Variants in SKAP1 observed in about 807,000 individuals in gnomAD.
SKAP1 encodes the protein src kinase-associated phosphoprotein 1.
In SKAP1, 44 loss-of-function variants were observed where a neutral mutation model predicts 58.5. The observed-to-expected ratio is 0.75, with a 90% CI of 0.59 to 0.97. The LOEUF is 0.97. Ranked by LOEUF, SKAP1 falls within the 50% of genes least tolerant of loss-of-function variation. The pLI is 0.00. For synonymous variants in SKAP1, 127 were observed against 149.7 expected (o/e 0.85, Z 1.11); for missense variants, 390 against 435.2 (o/e 0.90, Z 0.92).
At chr17:48,221,794 G>T (rs531902960) in intron 4 of SKAP1, among the ~76,000 whole-genome samples, 2 of 152,118 alleles carry the variant, frequency 1.3e-5, no homozygotes, top group African/African-American at 2.4e-5. Context: ...ACAGTGGGAT[G>T]GTGGCGTAAT....
chr17:48,261,023 C>T (rs1302132664), intron 4 of SKAP1, among the ~76,000 whole-genome samples: 1 of 152,174 alleles, frequency 6.6e-6, no homozygotes, highest in Non-Finnish European at 1.5e-5. Flanking sequence ...ATCACTCCCT[C>T]TCCTGCAGTA....
At chr17:48,257,023 A>T (rs2065430955) in intron 4 of SKAP1, among the ~76,000 whole-genome samples, 1 of 152,112 alleles carries the variant, frequency 6.6e-6, no homozygotes, top group Non-Finnish European at 1.5e-5. Context: ...ATACTAAAGA[A>T]CTAATATGCA....
chr17:48,281,073 T>C (rs1198179676), intron 4 of SKAP1, among the ~76,000 whole-genome samples: 2 of 152,130 alleles, frequency 1.3e-5, no homozygotes, highest in African/African-American at 4.8e-5. Context: ...GTTGCCAGGC[T>C]GGAGTGCAGT....
intron 4 of SKAP1, among the ~76,000 whole-genome samples, chr17:48,312,112 T>G (rs2066231154): frequency 1.3e-5 from 2 of 152,224 alleles, no homozygotes; most frequent in South Asian, 4.1e-4. Flanking sequence ...AACATACGAT[T>G]TTAGCCATTA....
At chr17:48,178,717 C>G (rs2064325007) in intron 9 of SKAP1, among the ~76,000 whole-genome samples, 1 of 152,180 alleles carries the variant, frequency 6.6e-6, no homozygotes, top group African/African-American at 2.4e-5. Flanking sequence ...TTGGTTGTAT[C>G]TGTTTTTGTA....
chr17:48,153,911 A>G (rs968672094), intron 11 of SKAP1, among the ~76,000 whole-genome samples: 1 of 151,112 alleles, frequency 6.6e-6, no homozygotes, highest in African/African-American at 2.4e-5. Context: ...AAAAAAAAAA[A>G]GAAAAAAAAA....
At chr17:48,280,588 T>C (rs1261582999) in intron 4 of SKAP1, among the ~76,000 whole-genome samples, 2 of 152,234 alleles carry the variant, frequency 1.3e-5, no homozygotes, top group African/African-American at 2.4e-5. Context: ...CATATATATA[T>C]AGTAGTTGTA....
intron 2 of SKAP1, among the ~76,000 whole-genome samples, chr17:48,373,866 T>G (rs2067119176): frequency 6.6e-6 from 1 of 152,294 alleles, no homozygotes; most frequent in South Asian, 2.1e-4. Context: ...ATGTTATAAC[T>G]CTAGAACATC....
chr17:48,238,078 C>T, intron 4 of SKAP1, among the ~76,000 whole-genome samples: 1 of 152,068 alleles, frequency 6.6e-6, no homozygotes, highest in East Asian at 1.9e-4. Flanking sequence ...ACTGCAAGCT[C>T]CGCCTCCTGA....
At chr17:48,329,114 C>T (rs1310880392) in intron 4 of SKAP1, among the ~76,000 whole-genome samples, 1 of 152,072 alleles carries the variant, frequency 6.6e-6, no homozygotes, top group Admixed American at 6.5e-5. Flanking sequence ...TATTATAGAC[C>T]ATTTGCATCA....
chr17:48,248,455 T>C (rs533640192), intron 4 of SKAP1, among the ~76,000 whole-genome samples: 1 of 152,202 alleles, frequency 6.6e-6, no homozygotes, highest in Admixed American at 6.5e-5. Flanking sequence ...TAATCCCAGC[T>C]ACTCATGAGG....
At chr17:48,350,233 TAAC>T (rs1007455385) in intron 3 of SKAP1, among the ~76,000 whole-genome samples, 1 of 152,030 alleles carries the variant, frequency 6.6e-6, no homozygotes, top group African/African-American at 2.4e-5. Context: ...AGTGAGAAAA[TAAC>T]AAATAACAGA....
In SKAP1 at chr17:48,267,863, T is replaced by C. The variant is rs541560054; in HGVS notation, c.280+78042A>G. Among the ~76,000 whole-genome samples, 5 of 152,240 alleles carry C rather than the reference T, an allele frequency of 3.3e-5. No homozygotes were observed. In the East Asian group the frequency reaches 7.7e-4, roughly 24 times the overall value. ...CAGATAAATGGAGGGAAGGGAGAGATGGAAAGGCACACCATTTCTCATGTG... is the reference window on the plus strand; with the variant it reads ...CAGATAAATGGAGGGAAGGGAGAGACGGAAAGGCACACCATTTCTCATGTG... On this transcript the variant is annotated intron_variant, in intron 4 of 12. Coordinates refer to ENST00000336915, the MANE Select transcript of SKAP1 (RefSeq NM_003726.4).
chr17:48,434,213 G>A (rs1371343531), upstream of SKAP1, among the ~76,000 whole-genome samples: 1 of 152,156 alleles, frequency 6.6e-6, no homozygotes, highest in African/African-American at 2.4e-5. Flanking sequence ...GCCTAATGAG[G>A]CCAAGAGCTG....
intron 4 of SKAP1, among the ~76,000 whole-genome samples, chr17:48,198,952 T>C (rs966967246): frequency 2.0e-5 from 3 of 152,222 alleles, no homozygotes; most frequent in Admixed American, 6.5e-5. Context: ...GATTTTAAAA[T>C]GCCACATTGT....
At chr17:48,364,188 G>A (rs898814500) in intron 2 of SKAP1, among the ~76,000 whole-genome samples, 2 of 152,032 alleles carry the variant, frequency 1.3e-5, no homozygotes. Flanking sequence ...CTGGTCCTAG[G>A]TACCAAATAC....
chr17:48,251,729 C>T (rs117680523), intron 4 of SKAP1, among the ~76,000 whole-genome samples: 2,039 of 152,226 alleles, frequency 0.013, 20 homozygotes, highest in Non-Finnish European at 0.02. Context: ...TTCTAAAGGA[C>T]ATTAAAGATT....
chr17:48,204,961 T>TC (rs772109146), intron 4 of SKAP1, among the ~76,000 whole-genome samples: 1 of 58,684 alleles, frequency 1.7e-5, no homozygotes, highest in Admixed American at 2.0e-4. Context: ...CCTTCCTCTT[T>TC]CTTTTCTTTT....
At chr17:48,205,485 C>G (rs770969888) in intron 4 of SKAP1, among the ~76,000 whole-genome samples, 1 of 152,022 alleles carries the variant, frequency 6.6e-6, no homozygotes, top group Non-Finnish European at 1.5e-5. Flanking sequence ...AACACAGAAA[C>G]AGAGGGAAGG....
Sources: gnomAD v4.1 joint callset for allele counts (sites outside exome capture counted in the v4.1 genomes callset) on GRCh38, gnomAD v4.1.1 for gene constraint, MANE v1.5 for transcripts, NCBI Gene and HGNC (gene_info 2026-07-23, HGNC 2026-07-21) for gene names.